Variants in COL6A5 observed in about 807,000 individuals in gnomAD.
COL6A5 encodes the protein collagen alpha-5(VI) chain.
COL6A5 carries 48 observed loss-of-function variants against 65.6 expected under a neutral mutation model. That is an observed-to-expected ratio of 0.73 (90% confidence interval 0.58 to 0.93). The LOEUF (loss-of-function observed/expected upper bound fraction) is 0.93, where lower values mean the gene tolerates loss of function less well. COL6A5 is among the 40% of genes least tolerant of loss of function. COL6A5 has a pLI of 0.00. For missense variants in COL6A5, 914 were observed against 928.3 expected, an observed-to-expected ratio of 0.98 and a Z score of 0.20; for synonymous variants, 291 against 322.8, an observed-to-expected ratio of 0.90 and a Z score of 1.05.
chr3:130,397,752 G>C (rs1421516785), exon 9 of COL6A5: 1 of 1,551,672 alleles, frequency 6.4e-7, no homozygotes, highest in Non-Finnish European at 8.7e-7. Flanking sequence ...AGGTGAGCTT[G>C]GCGTTTAAGG....
chr3:130,379,667 C>CTATCCAAG, exon 4 of COL6A5: 1 of 1,551,446 alleles, frequency 6.4e-7, no homozygotes. Context: ...AAGAATCTTT[C>CTATCCAAG]TATCCAAGTT....
upstream of COL6A5, chr3:130,429,621 A>G (rs557354920): frequency 8.6e-6 from 13 of 1,519,480 alleles, no homozygotes; most frequent in South Asian, 1.6e-4. Context: ...TGCTGAGATC[A>G]TTACTGCTGC....
chr3:130,432,019 A>G, intron 1 of COL6A5, 70 bp downstream of exon 33: 1 of 1,444,616 alleles, frequency 6.9e-7, no homozygotes. Context: ...GCAGGATGGG[A>G]GTGGTAGAGA....
chr3:130,474,691 C>T (rs1282539844), intron 7 of COL6A5, among the ~76,000 whole-genome samples: 1 of 151,770 alleles, frequency 6.6e-6, no homozygotes, highest in Non-Finnish European at 1.5e-5. Context: ...AGCTTAATAG[C>T]AGAGTGATGA....
chr3:130,382,335 G>A (rs992976187), intron 4 of COL6A5, among the ~76,000 whole-genome samples: 4 of 152,132 alleles, frequency 2.6e-5, no homozygotes, highest in Non-Finnish European at 5.9e-5. Flanking sequence ...AGGCAAAGGA[G>A]TTGCCAGAAA....
At chr3:130,462,747 AG>A (rs1709729605) in intron 5 of COL6A5, among the ~76,000 whole-genome samples, 1 of 152,110 alleles carries the variant, frequency 6.6e-6, no homozygotes, top group Non-Finnish European at 1.5e-5. Context: ...GTTCGTATAT[AG>A]TTGCTTACTT....
chr3:130,443,437 C>T (rs754521169), intron 3 of COL6A5, 39 bp from the exon 36 acceptor site: 5 of 1,405,760 alleles, frequency 3.6e-6, no homozygotes, highest in Non-Finnish European at 5.0e-6. Context: ...ACATCATTTC[C>T]AGTTTTAAAA....
intron 2 of COL6A5, among the ~76,000 whole-genome samples, chr3:130,374,207 A>G (rs894521848): frequency 5.9e-5 from 9 of 152,174 alleles, no homozygotes; most frequent in Admixed American, 3.3e-4. Flanking sequence ...CATTGTGTAA[A>G]CATCATAGAG....
intron 4 of COL6A5, among the ~76,000 whole-genome samples, chr3:130,383,598 G>T (rs1936080741): frequency 6.6e-6 from 1 of 151,970 alleles, no homozygotes; most frequent in Non-Finnish European, 1.5e-5. Flanking sequence ...ATTTCTCAGG[G>T]TCAGACTTCT....
rs143481441 is a variant in COL6A5 at position 130,407,255 on chromosome 3, C to T, written c.4479+934C>T. 1.7e-3 allele frequency among the ~76,000 whole-genome samples: 253 copies of T among 152,210 alleles called. 1 individual carries two copies. The Middle Eastern group carries it at 0.017, about 10-fold the overall frequency. ...ACTTCCTGGAGGGAGCATTAGAATA[C>T]AGGTACTGGGAGGTGAGGTTCAAGA... On this transcript the variant is annotated intron_variant and NMD_transcript_variant, in intron 17 of 41. Transcript: ENST00000312481.
intron 1 of COL6A5, among the ~76,000 whole-genome samples, chr3:130,364,542 G>C (rs1162610415): frequency 6.6e-6 from 1 of 152,158 alleles, no homozygotes; most frequent in Non-Finnish European, 1.5e-5. Flanking sequence ...TGAGTGTTTG[G>C]GGCAGATGGA....
intron 30 of COL6A5, 49 bp downstream of exon 30, chr3:130,426,298 A>C: frequency 6.5e-7 from 1 of 1,550,052 alleles, no homozygotes; most frequent in Non-Finnish European, 8.7e-7. Context: ...TTCACTGGGA[A>C]ATAAACACAG....
At chr3:130,413,601 G>C (rs1396652720) in intron 21 of COL6A5, 21 bp downstream of exon 21, 1 of 1,545,982 alleles carries the variant, frequency 6.5e-7, no homozygotes, top group African/African-American at 1.4e-5. Context: ...TTGACTTCCT[G>C]TTCTCTGTGG....
chr3:130,354,518 C>G (rs971200432), intron 1 of COL6A5, among the ~76,000 whole-genome samples: 2 of 152,162 alleles, frequency 1.3e-5, no homozygotes, highest in African/African-American at 4.8e-5. Flanking sequence ...ATTAAAAATG[C>G]AGAACTCAGG....
At chr3:130,385,085 A>G (rs1460328491) in exon 5 of COL6A5, 2 of 1,551,022 alleles carry the variant, frequency 1.3e-6, no homozygotes, top group Middle Eastern at 1.7e-4. Flanking sequence ...TCTGGATTAC[A>G]TACTGCAAAT....
intron 4 of COL6A5, among the ~76,000 whole-genome samples, chr3:130,452,068 T>C (rs968987528): frequency 1.3e-5 from 2 of 152,150 alleles, no homozygotes; most frequent in Non-Finnish European, 2.9e-5. Context: ...GTATTTTCCA[T>C]AGGCACTCAA....
At chr3:130,387,951 C>T (rs1371300824) in intron 5 of COL6A5, among the ~76,000 whole-genome samples, 4 of 150,622 alleles carry the variant, frequency 2.7e-5, no homozygotes, top group Admixed American at 1.3e-4. Context: ...TATATATATA[C>T]GTATGTCTGT....
At chr3:130,483,986 G>T in intron 7 of COL6A5, 49 bp from the exon 41 acceptor site, 1 of 1,563,270 alleles carries the variant, frequency 6.4e-7, no homozygotes, top group South Asian at 1.2e-5. Flanking sequence ...GGAACATTTT[G>T]AACAAATACA....
chr3:130,448,733 A>G (rs1419835993), intron 4 of COL6A5, among the ~76,000 whole-genome samples: 4 of 152,230 alleles, frequency 2.6e-5, no homozygotes, highest in African/African-American at 9.6e-5. Flanking sequence ...GCACTTGTCC[A>G]ACATGAAGCT....
Sources: gnomAD v4.1 joint callset for allele counts (sites outside exome capture counted in the v4.1 genomes callset) on GRCh38, gnomAD v4.1.1 for gene constraint, MANE v1.5 for transcripts, NCBI Gene and HGNC (gene_info 2026-07-23, HGNC 2026-07-21) for gene names.